Variants in TANC2 observed in about 807,000 individuals in gnomAD.
The protein encoded by TANC2 is protein TANC2.
A neutral mutation model predicts 210.5 loss-of-function variants in TANC2; 26 were observed. The observed-to-expected ratio is 0.12, with a 90% CI of 0.09 to 0.17. The LOEUF is 0.17. Among genes scored for constraint, TANC2 ranks in the 10% least tolerant of loss-of-function variants. The pLI, the probability that TANC2 is intolerant of heterozygous loss-of-function variation, is 1.00. For missense variants in TANC2, 2,129 were observed against 2,608.9 expected, an observed-to-expected ratio of 0.82 and a Z score of 4.01; for synonymous variants, 931 against 967.1, an observed-to-expected ratio of 0.96 and a Z score of 0.69.
At chr17:63,221,456 A>G (rs1385277583) in intron 7 of TANC2, among the ~76,000 whole-genome samples, 1 of 151,464 alleles carries the variant, frequency 6.6e-6, no homozygotes, top group African/African-American at 2.4e-5. Context: ...AAAAAAAAAA[A>G]AAAAGAAAGA....
At chr17:63,358,823 C>A (rs1407108533) in intron 14 of TANC2, among the ~76,000 whole-genome samples, 1 of 152,118 alleles carries the variant, frequency 6.6e-6, no homozygotes, top group Non-Finnish European at 1.5e-5. Flanking sequence ...AGCTACCAGC[C>A]TTGTGGTGCA....
intron 17 of TANC2, among the ~76,000 whole-genome samples, chr17:63,393,776 A>ATTTTT (rs58388281): frequency 8.1e-6 from 1 of 124,088 alleles, no homozygotes; most frequent in Non-Finnish European, 1.8e-5. Flanking sequence ...TATTATTATT[A>ATTTTT]TTTTTTTTTT....
intron 2 of TANC2, among the ~76,000 whole-genome samples, chr17:63,025,920 C>G (rs1354455645): frequency 2.0e-5 from 3 of 152,018 alleles, no homozygotes; most frequent in Non-Finnish European, 2.9e-5. Context: ...TCTGTAATAT[C>G]TGTTGCTGGT....
chr17:63,373,639 T>G (rs1369087616), intron 14 of TANC2, among the ~76,000 whole-genome samples: 1 of 152,210 alleles, frequency 6.6e-6, no homozygotes, highest in Non-Finnish European at 1.5e-5. Context: ...GGGAGTAGTA[T>G]TTACTGCTAT....
At chr17:63,353,910 T>C (rs1374316954) in intron 13 of TANC2, among the ~76,000 whole-genome samples, 1 of 151,906 alleles carries the variant, frequency 6.6e-6, no homozygotes, top group African/African-American at 2.4e-5. Flanking sequence ...ACCATTTCAG[T>C]GAGGTGGTGA....
chr17:63,268,676 G>A (rs1214127157), intron 9 of TANC2, among the ~76,000 whole-genome samples: 3 of 152,096 alleles, frequency 2.0e-5, no homozygotes, highest in African/African-American at 4.8e-5. Flanking sequence ...TTTAGAAAGT[G>A]CCTATAATCC....
intron 9 of TANC2, among the ~76,000 whole-genome samples, chr17:63,290,777 T>C (rs1402246886): frequency 2.0e-5 from 3 of 152,150 alleles, no homozygotes; most frequent in African/African-American, 7.2e-5. Flanking sequence ...AAGAATGTTA[T>C]AGATGGAGTA....
chr17:63,055,233 C>T (rs116996430), intron 2 of TANC2, among the ~76,000 whole-genome samples: 2,714 of 152,094 alleles, frequency 0.018, 35 homozygotes, highest in South Asian at 0.026. Flanking sequence ...ATGTTGGTGC[C>T]TAAATATAGC....
intron 8 of TANC2, among the ~76,000 whole-genome samples, chr17:63,240,031 A>G (rs1344711809): frequency 2.6e-5 from 4 of 152,168 alleles, no homozygotes; most frequent in Non-Finnish European, 5.9e-5. Flanking sequence ...ACCTTCAACA[A>G]TGGGGATTAC....
intron 10 of TANC2, among the ~76,000 whole-genome samples, chr17:63,315,272 T>C (rs941545714): frequency 1.3e-5 from 2 of 152,234 alleles, no homozygotes; most frequent in African/African-American, 4.8e-5. Context: ...ATGTGCCAGA[T>C]ACTCTCTTAA....
At chr17:63,193,883 T>G (rs2041260805) in intron 5 of TANC2, 108 bp from the exon 6 acceptor site, 2 of 1,246,136 alleles carry the variant, frequency 1.6e-6, no homozygotes, top group East Asian at 5.7e-5. Context: ...AATTTTTGAG[T>G]TAAAATGTGA....
intron 9 of TANC2, among the ~76,000 whole-genome samples, chr17:63,288,507 A>G (rs930261815): frequency 6.6e-6 from 1 of 152,180 alleles, no homozygotes; most frequent in Non-Finnish European, 1.5e-5. Flanking sequence ...TGTTGGGTAA[A>G]GTCATCTATG....
intron 4 of TANC2, among the ~76,000 whole-genome samples, chr17:63,111,407 T>C (rs118158971): frequency 6.6e-6 from 1 of 152,334 alleles, no homozygotes; most frequent in East Asian, 1.9e-4. Context: ...AATCACTACA[T>C]AATTTATCTT....
At chr17:63,102,457 TC>T (rs1401354456) in intron 4 of TANC2, among the ~76,000 whole-genome samples, 4 of 151,690 alleles carry the variant, frequency 2.6e-5, no homozygotes, top group Admixed American at 1.3e-4. Flanking sequence ...TATTGTTTTT[TC>T]CTTTTTATTT....
intron 21 of TANC2, among the ~76,000 whole-genome samples, chr17:63,406,751 A>ACAAATTC (rs1246349667): frequency 2.6e-5 from 4 of 152,238 alleles, no homozygotes; most frequent in Non-Finnish European, 5.9e-5. Context: ...ACCAACATCC[A>ACAAATTC]CAAATTCCTG....
At chr17:63,377,025 C>T (rs2047447424) in intron 14 of TANC2, among the ~76,000 whole-genome samples, 1 of 152,124 alleles carries the variant, frequency 6.6e-6, no homozygotes, top group African/African-American at 2.4e-5. Context: ...GGCTTGCACC[C>T]TCTGAAGCAA....
At chr17:63,259,641 A>G (rs898527171) in intron 8 of TANC2, among the ~76,000 whole-genome samples, 1 of 152,192 alleles carries the variant, frequency 6.6e-6, no homozygotes, top group African/African-American at 2.4e-5. Flanking sequence ...AAACATGTCA[A>G]ACCATTTTAA....
chr17:63,388,744 C>T, exon 16 of TANC2: 1 of 1,544,022 alleles, frequency 6.5e-7, no homozygotes, highest in Non-Finnish European at 8.7e-7. Flanking sequence ...AATCTCTACA[C>T]TCCAAATATA....
At chr17:63,176,662 C>T (rs531817203) in intron 5 of TANC2, among the ~76,000 whole-genome samples, 63 of 151,938 alleles carry the variant, frequency 4.1e-4, no homozygotes, top group African/African-American at 7.2e-4. Context: ...AAAAATTAGC[C>T]GGGTGTGGTG....
Sources: gnomAD v4.1 joint callset for allele counts (sites outside exome capture counted in the v4.1 genomes callset) on GRCh38, gnomAD v4.1.1 for gene constraint, MANE v1.5 for transcripts, NCBI Gene and HGNC (gene_info 2026-07-23, HGNC 2026-07-21) for gene names.